Variants in ADH1A observed in about 807,000 individuals in gnomAD.
ADH1A encodes alcohol dehydrogenase 1A (class I), alpha polypeptide.
Under a neutral mutation model 35.2 loss-of-function variants are expected in ADH1A, and 29 were observed. The observed-to-expected ratio is 0.82, with a 90% CI of 0.61 to 1.12. ADH1A has a LOEUF of 1.12. ADH1A is among the 50% of genes most tolerant of loss of function. The pLI is 0.00. For synonymous variants in ADH1A, 147 were observed against 164.8 expected, an observed-to-expected ratio of 0.89 and a Z score of 0.83; for missense variants, 469 against 464.7, an observed-to-expected ratio of 1.01 and a Z score of -0.09.
chr4:99,290,475 C>T (rs1026866184), intron 1 of ADH1A, among the ~76,000 whole-genome samples: 1 of 152,168 alleles, frequency 6.6e-6, no homozygotes, highest in African/African-American at 2.4e-5. Flanking sequence ...TCTCATAAAA[C>T]TTTCATCAGA....
chr4:99,280,381 T>C, intron 6 of ADH1A, 102 bp from the exon 7 acceptor site: 1 of 1,562,132 alleles, frequency 6.4e-7, no homozygotes, highest in Non-Finnish European at 8.7e-7. Context: ...TGTGAGTGTG[T>C]AGAGGGAAGA....
Position 99,284,482 on chromosome 4 carries a change from C to T in ADH1A, c.484G>A (p.Asp162Asn), listed in dbSNP as rs746667944. ...ACTTTCTCTAGAGGCGAGGCTGCAT[C>T]AATTTTGGCTACTGCATTTTCATCC... ...VVDENAVAKIDAASPLEKVCL... is the reference protein window; with the variant it reads ...VVDENAVAKINAASPLEKVCL... The change falls in exon 5 of 9, where the codon GAT (aspartate) becomes AAT (asparagine). Residue 162 changes from aspartate to asparagine, a missense_variant. Transcript: ENST00000209668. The T allele has an allele frequency of 6.2e-7, 1 of 1,614,246 alleles. No individual in the cohort carries two copies.
rs758228995 is a variant in ADH1A at position 99,279,529 on chromosome 4, C to G, written c.1000G>C (p.Ala334Pro). Residue 334 changes from alanine to proline, a missense_variant, in exon 8 of 9, where the codon GCT (alanine) becomes CCT (proline). Coordinates refer to ENST00000209668, the MANE Select transcript of ADH1A (RefSeq NM_000667.4). ...KSKECVPKLVADFMAKKFSLD... is the reference protein window; with the variant it reads ...KSKECVPKLVPDFMAKKFSLD... ...GAAAACTTCTTAGCCATAAAATCAG[C>G]CACAAGTTTTGGGACACATTCTTTA... The G allele has an allele frequency of 6.2e-7, 1 of 1,610,198 alleles. No individual in the cohort carries two copies. The highest frequency in any genetic ancestry group is 1.7e-5 in the Admixed American group (1 of 59,506).
At chr4:99,277,923 CA>C (rs1035214779) in intron 8 of ADH1A, among the ~76,000 whole-genome samples, 4 of 151,974 alleles carry the variant, frequency 2.6e-5, no homozygotes, top group African/African-American at 9.7e-5. Context: ...ATTGCTGGAA[CA>C]AAAGATCCAT....
At chr4:99,283,560 A>G (rs1273195101) in intron 5 of ADH1A, among the ~76,000 whole-genome samples, 1 of 152,168 alleles carries the variant, frequency 6.6e-6, no homozygotes, top group Non-Finnish European at 1.5e-5. Context: ...GAAAAATACA[A>G]GGCTTGTGAC....
intron 7 of ADH1A, among the ~76,000 whole-genome samples, chr4:99,279,794 G>C (rs1454053769): frequency 3.3e-5 from 5 of 152,180 alleles, no homozygotes; most frequent in Admixed American, 2.6e-4. Context: ...AGAAATCATA[G>C]TACAGATGTT....
rs75123444 is a variant in ADH1A, at chr4:99,287,666, C to T, written c.19-1G>A. On this transcript the variant is annotated splice_acceptor_variant, in intron 1 of 8. Transcript: ENST00000209668. LOFTEE classifies it high-confidence loss of function. ...GCACAGCTGCTTTGCATTTGATTACCTAGAAAAGCAAACAGAGAGATGGCA... is the reference window on the plus strand; with the variant it reads ...GCACAGCTGCTTTGCATTTGATTACTTAGAAAAGCAAACAGAGAGATGGCA... 1 of 1,613,796 alleles carries T rather than the reference C, an allele frequency of 6.2e-7. No individual in the cohort carries two copies. The highest frequency in any genetic ancestry group is 8.5e-7 in the Non-Finnish European group (1 of 1,179,832).
intron 8 of ADH1A, among the ~76,000 whole-genome samples, chr4:99,277,641 T>C (rs1280157158): frequency 6.6e-6 from 1 of 152,120 alleles, no homozygotes; most frequent in Non-Finnish European, 1.5e-5. Context: ...GTTTTACTGC[T>C]GTTGTTGAAA....
At chr4:99,279,918 G>A (rs56098612) in intron 7 of ADH1A, among the ~76,000 whole-genome samples, 8 of 152,158 alleles carry the variant, frequency 5.3e-5, no homozygotes, top group East Asian at 1.9e-4. Flanking sequence ...TTACAAGTAC[G>A]AAAACAGATG....
chr4:99,289,400 G>C (rs573421412), intron 1 of ADH1A, among the ~76,000 whole-genome samples: 1 of 152,238 alleles, frequency 6.6e-6, no homozygotes. Context: ...TTTCTCTAAA[G>C]TCTCAAAGCT....
intron 1 of ADH1A, 150 bp from the exon 2 acceptor site, chr4:99,287,815 A>C: frequency 2.7e-6 from 2 of 734,512 alleles, no homozygotes; most frequent in Non-Finnish European, 4.2e-6. Context: ...ATTTATAAAG[A>C]GAAAAAAATA....
chr4:99,283,648 A>G (rs1228320811), intron 5 of ADH1A, among the ~76,000 whole-genome samples: 2 of 152,218 alleles, frequency 1.3e-5, no homozygotes, highest in African/African-American at 4.8e-5. Flanking sequence ...TTTTAGTCTC[A>G]GCTCTCATAT....
chr4:99,284,439 C>T lies in ADH1A; in HGVS notation c.527G>A (p.Gly176Glu). The change falls in exon 5 of 9, where the codon GGA becomes GAA. Residue 176 changes from glycine to glutamate, a missense_variant. Gly to Glu is a moderately conservative substitution (Grantham distance 98). Coordinates refer to ENST00000209668, the MANE Select transcript of ADH1A (RefSeq NM_000667.4). ...PLEKVCLIGCGFSTGYGSAVN... is the reference protein window; with the variant it reads ...PLEKVCLIGCEFSTGYGSAVN... ...TGCAGACCCATAACCAGTTGAAAAT[C>T]CACAGCCAATGAGACAGACTTTCTC... is the stretch of plus-strand genomic sequence containing the variant. 1 of 1,614,182 alleles carries T rather than the reference C, an allele frequency of 6.2e-7. No individual in the cohort carries two copies. Among genetic ancestry groups the T allele is most frequent in the Non-Finnish European group, 8.5e-7 (1 of 1,180,042 alleles).
intron 6 of ADH1A, among the ~76,000 whole-genome samples, 165 bp from the exon 7 acceptor site, chr4:99,280,444 G>A (rs1406634795): frequency 2.0e-5 from 3 of 151,574 alleles, no homozygotes; most frequent in African/African-American, 4.8e-5. Flanking sequence ...TAGTGCTGTG[G>A]ATTTAGGAAA....
chr4:99,285,520 G>A (rs887494514), intron 3 of ADH1A, among the ~76,000 whole-genome samples: 4 of 151,504 alleles, frequency 2.6e-5, no homozygotes, highest in African/African-American at 9.7e-5. Context: ...AAAAAGTAAG[G>A]GTGTCATTTT....
rs1733100281 is a variant in ADH1A at position 99,284,697 on chromosome 4, G to C, written c.347+19C>G. 6.2e-7 allele frequency: 1 copy of C among 1,613,614 alleles called. No individual in the cohort carries two copies. The highest frequency in any genetic ancestry group is 8.5e-7 in the Non-Finnish European group (1 of 1,179,622). ...TGTGCAAACTCAATGTCTGCGCAGG[G>C]AGAGCATCAGAAACCTACTCGTTTT... On this transcript the variant is annotated intron_variant, in intron 4 of 8. Coordinates refer to ENST00000209668, the MANE Select transcript of ADH1A (RefSeq NM_000667.4).
chr4:99,284,482 C>A lies in ADH1A; in HGVS notation c.484G>T (p.Asp162Tyr), dbSNP rs746667944. ...VVDENAVAKI[D>Y]AASPLEKVCL... is the part of the protein sequence containing the mutation. ...ACTTTCTCTAGAGGCGAGGCTGCAT[C>A]AATTTTGGCTACTGCATTTTCATCC... Residue 162 changes from aspartate to tyrosine, a missense_variant, in exon 5 of 9, where the codon GAT (aspartate) becomes TAT (tyrosine). Coordinates refer to ENST00000209668, the MANE Select transcript of ADH1A (RefSeq NM_000667.4). 1.2e-6 allele frequency: 2 copies of A among 1,614,246 alleles called. No individual in the cohort carries two copies.
At chr4:99,287,417 T>C in intron 2 of ADH1A, 147 bp downstream of exon 2, 1 of 799,716 alleles carries the variant, frequency 1.3e-6, no homozygotes, top group South Asian at 2.4e-5. Context: ...GTGCACTTTT[T>C]TAAAATTTAA....
intron 7 of ADH1A, 21 bp from the exon 8 acceptor site, chr4:99,279,585 T>C: frequency 1.9e-6 from 3 of 1,601,690 alleles, no homozygotes; most frequent in Non-Finnish European, 2.6e-6. Flanking sequence ...GATGGTATCA[T>C]TGTTAGATTC....
Sources: allele counts gnomAD v4.1 joint callset (sites outside exome capture counted in the v4.1 genomes callset), GRCh38; gene constraint gnomAD v4.1.1; transcripts MANE v1.5; gene names NCBI Gene and HGNC (gene_info 2026-07-23, HGNC 2026-07-21).